MIA2: variants seen among roughly 807,000 people sequenced by gnomAD.
MIA2 encodes the protein melanoma inhibitory activity protein 2.
In MIA2, 127 loss-of-function variants were observed where a neutral mutation model predicts 167.8. The ratio of observed to expected loss-of-function variants is 0.76; its 90% CI spans 0.66 to 0.88. The LOEUF (loss-of-function observed/expected upper bound fraction) is 0.88, where lower values mean the gene tolerates loss of function less well. MIA2 is among the 40% of genes least tolerant of loss of function. The pLI, the probability that MIA2 is intolerant of heterozygous loss-of-function variation, is 0.00. For missense variants in MIA2, 1,690 were observed against 1,624.7 expected (o/e 1.04, Z -0.69); for synonymous variants, 552 against 541.9 (o/e 1.02, Z -0.26).
chr14:39,344,532 T>C (rs923615337), intron 25 of MIA2, among the ~76,000 whole-genome samples: 7 of 152,212 alleles, frequency 4.6e-5, no homozygotes, highest in African/African-American at 1.7e-4. Flanking sequence ...TGGGAGCTCA[T>C]TAAATATAAT....
At chr14:39,298,545 T>TTTTTTG (rs1431081358) in intron 13 of MIA2, among the ~76,000 whole-genome samples, 1 of 139,774 alleles carries the variant, frequency 7.2e-6, no homozygotes, top group Non-Finnish European at 1.6e-5. Context: ...TTTTTTTTTT[T>TTTTTTG]TTTTTTTTTG....
At position 39,294,071 on chromosome 14, in the gene MIA2, A is replaced by G; in HGVS notation, c.2391A>G (p.Glu797=). The G allele has an allele frequency of 6.2e-7, 1 of 1,603,788 alleles. No homozygotes were observed. The highest frequency in any genetic ancestry group is 8.5e-7 in the Non-Finnish European group (1 of 1,172,868). Residue 797 remains glutamate (E), a splice_region_variant and synonymous_variant, in exon 12 of 29, where the codon GAA becomes GAG. Transcript: ENST00000640607. ...AATCCCTCAAATCACAAGTAGCTGA[A>G]GTAAGTTGAATTAGTCTAGTAGGTC... ...ESKSLKSQVA[E]AKMTFKIFQM...
At chr14:39,314,614 T>TG (rs2064992721) in intron 19 of MIA2, 125 bp from the exon 20 acceptor site, 5 of 413,544 alleles carry the variant, frequency 1.2e-5, no homozygotes, top group Admixed American at 9.4e-5. Context: ...TCTGGAGTTT[T>TG]TTTTTTTTTT....
intron 6 of MIA2, chr14:39,265,748 T>C (rs2055522126): frequency 4.1e-6 from 1 of 242,446 alleles, no homozygotes; most frequent in Non-Finnish European, 7.8e-6. Context: ...AATGTTCTAA[T>C]TGAGGCATAC....
At chr14:39,356,604 A>G (rs1810676955) in intron 23 of MIA2, among the ~76,000 whole-genome samples, 1 of 152,022 alleles carries the variant, frequency 6.6e-6, no homozygotes, top group African/African-American at 2.4e-5. Context: ...TGGCTTTTGA[A>G]TGTGTTTGCT....
intron 6 of MIA2, among the ~76,000 whole-genome samples, chr14:39,259,237 G>T (rs957397003): frequency 1.3e-5 from 2 of 152,194 alleles, no homozygotes; most frequent in Admixed American, 6.5e-5. Flanking sequence ...GGGAAATGGG[G>T]GTTTTGTCTG....
chr14:39,358,864 G>A (rs1040798725), intron 23 of MIA2, among the ~76,000 whole-genome samples: 26 of 152,212 alleles, frequency 1.7e-4, no homozygotes, highest in Non-Finnish European at 3.4e-4. Context: ...CTGCAGAACA[G>A]CGGATATTGG....
chr14:39,314,862 C>T (rs1036806960), intron 20 of MIA2, 63 bp downstream of exon 20: 1 of 1,131,300 alleles, frequency 8.8e-7, no homozygotes, highest in Admixed American at 3.0e-5. Flanking sequence ...TAAAACAATT[C>T]TGATTTCTTT....
chr14:39,353,924 A>G (rs969654405), downstream of MIA2, among the ~76,000 whole-genome samples: 7 of 152,194 alleles, frequency 4.6e-5, no homozygotes, highest in Admixed American at 2.0e-4. Context: ...ATAGTATTCC[A>G]TGGTGTATAT....
intron 18 of MIA2, among the ~76,000 whole-genome samples, chr14:39,309,159 G>C (rs867148370): frequency 2.6e-5 from 4 of 152,286 alleles, no homozygotes; most frequent in Admixed American, 6.5e-5. Flanking sequence ...GTCATCAACA[G>C]TTAATACCCG....
intron 25 of MIA2, among the ~76,000 whole-genome samples, chr14:39,339,905 G>T (rs1195166586): frequency 6.6e-6 from 1 of 152,138 alleles, no homozygotes; most frequent in African/African-American, 2.4e-5. Context: ...GAGTGCAGTG[G>T]CATGAACACA....
In MIA2 at chr14:39,350,155, T is replaced by A. The variant is rs769095665; in HGVS notation, c.4130T>A (p.Phe1377Tyr). The A allele has an allele frequency of 7.1e-7, 1 of 1,408,094 alleles. No individual in the cohort carries two copies. Among genetic ancestry groups the A allele is most frequent in the Non-Finnish European group, 9.7e-7 (1 of 1,029,524 alleles). 87.2% of individuals were successfully genotyped at this position (1,408,094 alleles called of 1,614,324 possible). A position where few individuals can be genotyped will look rare whatever the true frequency, so the allele number is the denominator to read the frequency against. Residue 1377 changes from phenylalanine (F) to tyrosine (Y), a missense_variant, in exon 29 of 29, where the codon TTT (phenylalanine) becomes TAT (tyrosine). Phe to Tyr is a conservative substitution (Grantham distance 22). Transcript: ENST00000640607. ...FPPYLPPRPG[F>Y]FPPPPHSEGR... is the part of the protein sequence containing the mutation. ...CCTTACCTTCCCCCAAGACCTGGAT[T>A]TTTCCCCCCACCCCCACATTCTGAA...
At chr14:39,308,636 A>G (rs1364904315) in intron 18 of MIA2, 49 bp downstream of exon 18, 4 of 1,382,524 alleles carry the variant, frequency 2.9e-6, no homozygotes, top group Admixed American at 2.4e-5. Flanking sequence ...AAATAGCTTT[A>G]GAGATATATG....
At chr14:39,310,901 AG>A (rs543681513) in intron 18 of MIA2, among the ~76,000 whole-genome samples, 120 of 152,358 alleles carry the variant, frequency 7.9e-4, no homozygotes, top group Non-Finnish European at 1.3e-3. Context: ...GTATAACTTC[AG>A]GGTTTTTCAG....
At chr14:39,256,051 G>A (rs1224550834) in intron 6 of MIA2, among the ~76,000 whole-genome samples, 3 of 152,180 alleles carry the variant, frequency 2.0e-5, no homozygotes, top group Non-Finnish European at 2.9e-5. Flanking sequence ...TAAAAGGTGA[G>A]CTCATATTAA....
chr14:39,270,143 T>C (rs2056865217), intron 6 of MIA2, among the ~76,000 whole-genome samples: 3 of 152,218 alleles, frequency 2.0e-5, no homozygotes, highest in African/African-American at 7.2e-5. Flanking sequence ...TGTTTTCTTT[T>C]GTTTTTAATT....
chr14:39,289,725 C>T (rs2060469303), intron 9 of MIA2, among the ~76,000 whole-genome samples: 1 of 152,142 alleles, frequency 6.6e-6, no homozygotes, highest in South Asian at 2.1e-4. Flanking sequence ...TCAAGTGATC[C>T]TCCCACGTTG....
Position 39,331,088 on chromosome 14 carries a change from G to A in MIA2, c.3655+4066G>A, listed in dbSNP as rs534111675. Among the ~76,000 whole-genome samples the A allele has an allele frequency of 2.6e-5, 4 of 152,274 alleles. No homozygotes were observed. In the South Asian group the frequency reaches 8.3e-4, roughly 32 times the overall value. On this transcript the variant is annotated intron_variant, in intron 25 of 28. Transcript: ENST00000640607. ...AGTCTCCCACTATTATTGTGTGGGA[G>A]TCTAAGTCTCTTTGTAGGTCTCTAA... is the stretch of plus-strand genomic sequence containing the variant.
At chr14:39,261,980 AG>A (rs2055142102) in intron 6 of MIA2, among the ~76,000 whole-genome samples, 1 of 152,044 alleles carries the variant, frequency 6.6e-6, no homozygotes, top group African/African-American at 2.4e-5. Flanking sequence ...GCTGTGCAGA[AG>A]CTCTTTAGTT....
Sources: gnomAD v4.1 joint callset for allele counts (sites outside exome capture counted in the v4.1 genomes callset) on GRCh38, gnomAD v4.1.1 for gene constraint, MANE v1.5 for transcripts, NCBI Gene and HGNC (gene_info 2026-07-23, HGNC 2026-07-21) for gene names.